Variants in TAS2R1 observed in about 807,000 individuals in gnomAD.
TAS2R1 encodes taste 2 receptor member 1, also known as taste receptor type 2 member 1.
For synonymous variants in TAS2R1, 141 were observed against 134.2 expected, an observed-to-expected ratio of 1.05 and a Z score of -0.35; for missense variants, 370 against 353.4, an observed-to-expected ratio of 1.05 and a Z score of -0.38.
At chr5:9,825,037 C>T in the TAS2R1 span, among the ~76,000 whole-genome samples, 4 of 152,158 alleles carry the variant, frequency 2.6e-5, no homozygotes, top group African/African-American at 9.7e-5. Flanking sequence ...CAGCTTGCCA[C>T]CAAAGATGCA....
At chr5:9,650,660 C>G (rs1260086701) in intron 2 of TAS2R1, among the ~76,000 whole-genome samples, 1 of 152,084 alleles carries the variant, frequency 6.6e-6, no homozygotes, top group Non-Finnish European at 1.5e-5. Flanking sequence ...CCTAATTCAT[C>G]TCTATTTAAA....
chr5:9,819,332 T>C, the TAS2R1 span, among the ~76,000 whole-genome samples: 6 of 152,230 alleles, frequency 3.9e-5, no homozygotes, highest in Non-Finnish European at 7.3e-5. Flanking sequence ...CTCCATTTCA[T>C]GCTGATATAT....
chr5:9,800,037 C>T, the TAS2R1 span, among the ~76,000 whole-genome samples: 1 of 152,202 alleles, frequency 6.6e-6, no homozygotes, highest in Non-Finnish European at 1.5e-5. Flanking sequence ...TTTACAAGCA[C>T]ACGTGGAGAT....
the TAS2R1 span, among the ~76,000 whole-genome samples, chr5:9,813,293 T>C: frequency 1.3e-5 from 2 of 152,348 alleles, no homozygotes; most frequent in Non-Finnish European, 2.9e-5. Flanking sequence ...CTTGAACTTC[T>C]AGCTTCCACA....
intron 1 of TAS2R1, among the ~76,000 whole-genome samples, chr5:9,674,011 C>T (rs17332331): frequency 0.14 from 21,741 of 152,114 alleles, 1,913 homozygotes; most frequent in South Asian, 0.2. Context: ...TTTTTTCATG[C>T]GCTTCTGAGA....
At chr5:9,822,984 G>C in the TAS2R1 span, among the ~76,000 whole-genome samples, 9,257 of 139,616 alleles carry the variant, frequency 0.066, 356 homozygotes, top group East Asian at 0.2. Context: ...AAAGCTGACT[G>C]CTCTCTCAGA....
chr5:9,769,257 T>C, the TAS2R1 span, among the ~76,000 whole-genome samples: 1 of 152,250 alleles, frequency 6.6e-6, no homozygotes, highest in Non-Finnish European at 1.5e-5. Flanking sequence ...TCTCATTCTT[T>C]TTTTATGGCT....
chr5:9,697,828 G>T (rs1741394258), intron 1 of TAS2R1, among the ~76,000 whole-genome samples: 3 of 151,278 alleles, frequency 2.0e-5, no homozygotes, highest in Non-Finnish European at 4.4e-5. Flanking sequence ...TTAAAATCAG[G>T]AATAAAATAA....
In TAS2R1 at chr5:9,651,931, T is replaced by A. The variant is rs141979708; in HGVS notation, c.-81+7490A>T. Reference sequence around the variant, plus strand: ...TCTGTACCAGTGGCACACATCACTGTTCCATTCATCATGTCTATGAACTTG... The same window carrying A: ...TCTGTACCAGTGGCACACATCACTGATCCATTCATCATGTCTATGAACTTG... On this transcript the variant is annotated intron_variant, in intron 2 of 2. Coordinates refer to the TAS2R1 transcript ENST00000506620. 9.0e-4 allele frequency among the ~76,000 whole-genome samples: 137 copies of A among 152,302 alleles called. 1 individual carries two copies. Among genetic ancestry groups the A allele is most frequent in the African/African-American group, 3.1e-3 (129 of 41,552 alleles).
chr5:9,855,299 A>C, the TAS2R1 span, among the ~76,000 whole-genome samples: 1 of 152,350 alleles, frequency 6.6e-6, no homozygotes, highest in East Asian at 1.9e-4. Flanking sequence ...CTCCCTGGCA[A>C]CAGGGAAAAT....
chr5:9,756,934 T>G, the TAS2R1 span, among the ~76,000 whole-genome samples: 1 of 152,182 alleles, frequency 6.6e-6, no homozygotes, highest in Admixed American at 6.5e-5. Context: ...TGAGAAAAGT[T>G]TGTTCTCTGG....
At chr5:9,891,004 G>T in the TAS2R1 span, among the ~76,000 whole-genome samples, 1 of 152,184 alleles carries the variant, frequency 6.6e-6, no homozygotes, top group Non-Finnish European at 1.5e-5. Context: ...GACCTCGGTA[G>T]GTGCCCATGG....
intron 1 of TAS2R1, among the ~76,000 whole-genome samples, chr5:9,686,466 C>G (rs2126514230): frequency 6.6e-6 from 1 of 152,228 alleles, no homozygotes; most frequent in Admixed American, 6.5e-5. Context: ...GTCATTCACC[C>G]CAAGAATTTC....
At chr5:9,730,616 GTC>G in the TAS2R1 span, among the ~76,000 whole-genome samples, 1 of 152,162 alleles carries the variant, frequency 6.6e-6, no homozygotes, top group Non-Finnish European at 1.5e-5. Context: ...CACTTAGGGG[GTC>G]TCTGCTTCTG....
At chr5:9,836,073 G>C in the TAS2R1 span, among the ~76,000 whole-genome samples, 17 of 152,104 alleles carry the variant, frequency 1.1e-4, no homozygotes, top group South Asian at 6.2e-4. Flanking sequence ...TGCTGTTCTC[G>C]TGATAGCAAA....
intron 1 of TAS2R1, among the ~76,000 whole-genome samples, chr5:9,690,624 A>T (rs957976407): frequency 4.6e-5 from 7 of 151,996 alleles, no homozygotes; most frequent in Admixed American, 4.6e-4. Flanking sequence ...GGGGGGAAAA[A>T]AGTGTGACTT....
chr5:9,641,225 G>A (rs1740075829), intron 2 of TAS2R1: 1 of 152,112 alleles, frequency 6.6e-6, no homozygotes, highest in Non-Finnish European at 1.5e-5. Flanking sequence ...TTGTCTTTCG[G>A]ATTCTAGGAT....
Position 9,629,225 on chromosome 5 carries a change from G to A in TAS2R1, c.808C>T (p.Pro270Ser), listed in dbSNP as rs760324042. ...ATTAAGATGAGAGAGTGTCCAGAAG[G>A]GTATATACCAATCACAAGGATGAAG... ...LFFILVIGIYPSGHSLILILG... is the reference protein window; with the variant it reads ...LFFILVIGIYSSGHSLILILG... The change falls in exon 1 of 1, where the codon CCT (proline) becomes TCT (serine). Residue 270 changes from proline to serine, a missense_variant. Pro to Ser is a moderately conservative substitution (Grantham distance 74). Coordinates refer to ENST00000382492, the MANE Select transcript of TAS2R1 (RefSeq NM_019599.3). The A allele has an allele frequency of 1.7e-5, 27 of 1,612,910 alleles. No homozygotes were observed. The highest frequency in any genetic ancestry group is 2.2e-5 in the Non-Finnish European group (26 of 1,179,746).
the TAS2R1 span, among the ~76,000 whole-genome samples, chr5:9,788,315 C>T: frequency 1.2e-4 from 18 of 152,302 alleles, no homozygotes; most frequent in South Asian, 2.3e-3. Context: ...ACTTTCCACC[C>T]GATAAGCAGC....
Sources: gnomAD v4.1 joint callset for allele counts (sites outside exome capture counted in the v4.1 genomes callset) on GRCh38, gnomAD v4.1.1 for gene constraint, MANE v1.5 for transcripts, NCBI Gene and HGNC (gene_info 2026-07-23, HGNC 2026-07-21) for gene names.